The following CLN6 variants were observed in gnomAD, a reference collection of about 807,000 sequenced individuals.
CLN6 encodes the protein ceroid-lipofuscinosis neuronal protein 6.
In CLN6, 22 loss-of-function variants were observed where a neutral mutation model predicts 33.3. The observed-to-expected ratio is 0.66, with a 90% CI of 0.47 to 0.94. CLN6 has a LOEUF of 0.94. Ranked by LOEUF, CLN6 falls within the 40% of genes least tolerant of loss-of-function variation. CLN6 has a pLI of 0.00. For missense variants in CLN6, 387 were observed against 417.1 expected, an observed-to-expected ratio of 0.93 and a Z score of 0.63; for synonymous variants, 201 against 174.6, an observed-to-expected ratio of 1.15 and a Z score of -1.19.
At chr15:68,229,929 C>T (rs1195197307), upstream of CLN6, among the ~76,000 whole-genome samples, 1 of 152,148 alleles carries the variant, frequency 6.6e-6, no homozygotes, top group Non-Finnish European at 1.5e-5. Flanking sequence ...CCCTTGCCTG[C>T]CTGGGTACGG....
intron 3 of CLN6, chr15:68,212,338 G>A: frequency 5.6e-6 from 1 of 177,616 alleles, no homozygotes; most frequent in African/African-American, 2.4e-5. Flanking sequence ...CTGTTTAACT[G>A]AAAACACACC....
chr15:68,254,568 G>A (rs1247467196), intron 1 of CLN6: 11 of 492,846 alleles, frequency 2.2e-5, no homozygotes, highest in South Asian at 1.6e-4. Context: ...AGGTGAGAAC[G>A]ACCCCAGGAC....
At position 68,208,085 on chromosome 15, in the gene CLN6, C is replaced by T; in HGVS notation, c.*55G>A. ...CCCCCCCTACTCCTGTATTCAGATG[C>T]CCTCCATGGCCCACCCTCCCACCCA... On this transcript the variant is annotated 3_prime_UTR_variant, in exon 7 of 7. Coordinates refer to ENST00000249806, the MANE Select transcript of CLN6 (RefSeq NM_017882.3). This position sits in a 1 kb window ranked among gnomAD's most constrained non-coding sequence, Gnocchi z 5.8. 2.6e-6 allele frequency: 4 copies of T among 1,540,596 alleles called. No homozygotes were observed. Among genetic ancestry groups the T allele is most frequent in the African/African-American group, 1.4e-5 (1 of 72,962 alleles).
At position 68,211,034 on chromosome 15, in the gene CLN6, G is replaced by A. The variant is rs1410069265; in HGVS notation, c.542+229C>T. 1.3e-5 allele frequency among the ~76,000 whole-genome samples: 2 copies of A among 152,208 alleles called. No homozygotes were observed. On this transcript the variant is annotated intron_variant, in intron 5 of 6. Coordinates refer to ENST00000249806, the MANE Select transcript of CLN6 (RefSeq NM_017882.3). This position sits in a 1 kb window ranked among gnomAD's most constrained non-coding sequence, Gnocchi z 5.9. ...TGGGCGGGGGTGGCGATGCTGGGGG[G>A]ATGCTGGCTGGAAGCCGGGGCCTGG...
intron 2 of CLN6, among the ~76,000 whole-genome samples, chr15:68,216,536 T>G (rs1470026271): frequency 2.6e-5 from 4 of 152,226 alleles, no homozygotes; most frequent in African/African-American, 9.6e-5. Context: ...TGATCCCAGG[T>G]AGACAAGCTC....
At chr15:68,229,740 G>GA (rs1669456292), upstream of CLN6, 4 of 456,420 alleles carry the variant, frequency 8.8e-6, no homozygotes, top group Non-Finnish European at 1.4e-5. Context: ...CGGGGCTGCG[G>GA]ACCCGGGGCG....
intron 1 of CLN6, among the ~76,000 whole-genome samples, chr15:68,250,007 G>A (rs902310344): frequency 6.6e-6 from 1 of 152,064 alleles, no homozygotes; most frequent in Non-Finnish European, 1.5e-5. Flanking sequence ...TCCTGACCTC[G>A]TGATCCACCC....
In CLN6 at chr15:68,211,340, C is replaced by T; in HGVS notation, c.487-22G>A. On this transcript the variant is annotated intron_variant, in intron 4 of 6. Coordinates refer to ENST00000249806, the MANE Select transcript of CLN6 (RefSeq NM_017882.3). This position sits in a 1 kb window ranked among gnomAD's most constrained non-coding sequence, Gnocchi z 5.9. ...CGATCTGAGGGAGGAACGGGCAGGG[C>T]AGAGTCGGGGGATGTCGATGTCAGT... 6.2e-7 allele frequency: 1 copy of T among 1,613,654 alleles called. No individual in the cohort carries two copies. Among genetic ancestry groups the T allele is most frequent in the Non-Finnish European group, 8.5e-7 (1 of 1,179,804 alleles).
At chr15:68,240,324 G>A (rs1250178108) in intron 1 of CLN6, among the ~76,000 whole-genome samples, 2 of 152,198 alleles carry the variant, frequency 1.3e-5, no homozygotes, top group South Asian at 2.1e-4. Context: ...CAGGCCAGGC[G>A]CAGTGGCTCA....
At chr15:68,232,556 T>C (rs1373504726), upstream of CLN6, among the ~76,000 whole-genome samples, 1 of 152,144 alleles carries the variant, frequency 6.6e-6, no homozygotes, top group East Asian at 1.9e-4. The surrounding 1 kb of genome is among the most constrained non-coding windows in gnomAD (Gnocchi z 4.7). Context: ...GACAACTGAC[T>C]TCACCCAGGC....
At chr15:68,252,835 C>G (rs1267563354) in intron 1 of CLN6, among the ~76,000 whole-genome samples, 1 of 152,154 alleles carries the variant, frequency 6.6e-6, no homozygotes, top group Non-Finnish European at 1.5e-5. Flanking sequence ...TAAACAATAT[C>G]TTGTTTAGTT....
In CLN6 at chr15:68,208,451, C is replaced by T; in HGVS notation, c.666-41G>A. 6.2e-7 allele frequency: 1 copy of T among 1,609,104 alleles called. No homozygotes were observed. The highest frequency in any genetic ancestry group is 1.1e-5 in the South Asian group (1 of 90,606). On this transcript the variant is annotated intron_variant, in intron 6 of 6. Coordinates refer to ENST00000249806, the MANE Select transcript of CLN6 (RefSeq NM_017882.3). This position sits in a 1 kb window ranked among gnomAD's most constrained non-coding sequence, Gnocchi z 5.8. ...GTGAGTGAGGCAGCTGCCGTGGCAA[C>T]CCCGTCCTGCCTGGCATCCCTTCCT...
In CLN6 at chr15:68,256,907, G is replaced by A. The variant is rs528248226; in HGVS notation, c.-39C>T. ...AAGGTCCTGGGCGCGGCTCTGGGGA[G>A]GGTCAGGGTGCGCGTCCCACCGCGT... On this transcript the variant is annotated 5_prime_UTR_variant, in exon 1 of 7. Coordinates refer to the CLN6 transcript ENST00000538696. The surrounding 1 kb of genome is among the most constrained non-coding windows in gnomAD (Gnocchi z 4.1). 8 of 646,128 alleles carry A rather than the reference G, an allele frequency of 1.2e-5. No homozygotes were observed. Among genetic ancestry groups the A allele is most frequent in the Admixed American group, 7.7e-5 (3 of 38,772 alleles). 40.0% of individuals were successfully genotyped at this position (646,128 alleles called of 1,614,324 possible).
chr15:68,247,914 G>A lies in CLN6; in HGVS notation c.179+8776C>T, dbSNP rs1471319141. Among the ~76,000 whole-genome samples, 2 of 151,584 alleles carry A rather than the reference G, an allele frequency of 1.3e-5. No homozygotes were observed. Among genetic ancestry groups the A allele is most frequent in the Non-Finnish European group, 2.9e-5 (2 of 68,016 alleles). ...GTGGTGGCACATGCCTGTAATCCTA[G>A]CTACTTGGGAGGCTGAGGCAGGAGA... is the stretch of plus-strand genomic sequence containing the variant. On this transcript the variant is annotated intron_variant, in intron 1 of 6. Transcript: ENST00000538696. The surrounding 1 kb of genome is among the most constrained non-coding windows in gnomAD (Gnocchi z 4.2).
chr15:68,218,456 T>G, intron 2 of CLN6, 80 bp downstream of exon 2: 3 of 1,002,666 alleles, frequency 3.0e-6, no homozygotes, highest in Non-Finnish European at 4.8e-6. Context: ...AAGTGACTTG[T>G]CTAAGGTCAC....
chr15:68,211,029 G>A lies in CLN6; in HGVS notation c.542+234C>T, dbSNP rs564713746. On this transcript the variant is annotated intron_variant, in intron 5 of 6. Coordinates refer to ENST00000249806, the MANE Select transcript of CLN6 (RefSeq NM_017882.3). This position sits in a 1 kb window ranked among gnomAD's most constrained non-coding sequence, Gnocchi z 5.9. ...AGGGCTGGGCGGGGGTGGCGATGCT[G>A]GGGGGATGCTGGCTGGAAGCCGGGG... 6.6e-6 allele frequency among the ~76,000 whole-genome samples: 1 copy of A among 152,322 alleles called. No individual in the cohort carries two copies. Among genetic ancestry groups the A allele is most frequent in the Admixed American group, 6.5e-5 (1 of 15,304 alleles).
rs1475930620 is a variant in CLN6 at position 68,208,098 on chromosome 15, A to ACCCT, written c.*38_*41dup. The stretch of plus-strand genomic sequence containing the variant: ...TGTATTCAGATGCCCTCCATGGCCC[A>ACCCT]CCCTCCCACCCAGCAGAGCGCCAGA... On this transcript the variant is annotated 3_prime_UTR_variant, in exon 7 of 7. Coordinates refer to ENST00000249806, the MANE Select transcript of CLN6 (RefSeq NM_017882.3). This position sits in a 1 kb window ranked among gnomAD's most constrained non-coding sequence, Gnocchi z 5.8. 2.4e-6 allele frequency: 1 copy of ACCCT among 412,920 alleles called. No homozygotes were observed. The highest frequency in any genetic ancestry group is 3.4e-5 in the African/African-American group (1 of 29,460). The allele number at this position is 412,920 out of a possible 1,614,324, so 25.6% of individuals were successfully genotyped here.
In CLN6 at chr15:68,247,617, T is replaced by C. The variant is rs549825930; in HGVS notation, c.179+9073A>G. ...AATTCCACCCAAAGCAGATTACAGA[T>C]TTAATGCAATTGCTATCAAAATACC... On this transcript the variant is annotated intron_variant, in intron 1 of 6. Transcript: ENST00000538696. The surrounding 1 kb of genome is among the most constrained non-coding windows in gnomAD (Gnocchi z 4.2). Among the ~76,000 whole-genome samples the C allele has an allele frequency of 2.1e-4, 32 of 152,270 alleles. No homozygotes were observed. Among genetic ancestry groups the C allele is most frequent in the African/African-American group, 7.5e-4 (31 of 41,522 alleles).
upstream of CLN6, among the ~76,000 whole-genome samples, chr15:68,232,492 C>T (rs2093269869): frequency 6.6e-6 from 1 of 152,070 alleles, no homozygotes; most frequent in African/African-American, 2.4e-5. This position sits in a 1 kb window ranked among gnomAD's most constrained non-coding sequence, Gnocchi z 4.7. Context: ...GCCTAAGATC[C>T]GTTAGACACA....
Sources: allele counts gnomAD v4.1 joint callset (sites outside exome capture counted in the v4.1 genomes callset), GRCh38; gene constraint gnomAD v4.1.1; non-coding constraint Gnocchi (gnomAD v3.1); transcripts MANE v1.5; gene names NCBI Gene and HGNC (gene_info 2026-07-23, HGNC 2026-07-21).